Variants in SPAG16 observed in about 807,000 individuals in gnomAD.
SPAG16 encodes the protein sperm-associated antigen 16 protein.
In SPAG16, 86 loss-of-function variants were observed where a neutral mutation model predicts 80.4. The ratio of observed to expected loss-of-function variants is 1.07; its 90% CI spans 0.90 to 1.28. The LOEUF (loss-of-function observed/expected upper bound fraction) is 1.28, where lower values mean the gene tolerates loss of function less well. Among genes scored for constraint, SPAG16 ranks in the 50% most tolerant of loss-of-function variants. The pLI is 0.00. For missense variants in SPAG16, 870 were observed against 765.3 expected (o/e 1.14, Z -1.61); for synonymous variants, 294 against 265.9 (o/e 1.11, Z -1.03).
At chr2:214,180,514 T>C (rs1325013483) in intron 15 of SPAG16, among the ~76,000 whole-genome samples, 6 of 151,692 alleles carry the variant, frequency 4.0e-5, no homozygotes, top group Non-Finnish European at 7.4e-5. Context: ...AAATAGATAA[T>C]AATTTCCATC....
At chr2:214,184,438 C>A (rs183715976) in intron 15 of SPAG16, among the ~76,000 whole-genome samples, 3 of 151,994 alleles carry the variant, frequency 2.0e-5, no homozygotes, top group Admixed American at 6.6e-5. Context: ...TAGCTAGGCT[C>A]ACTCATAAAA....
intron 10 of SPAG16, among the ~76,000 whole-genome samples, chr2:213,853,907 A>G (rs6753539): frequency 0.34 from 52,355 of 151,950 alleles, 9,479 homozygotes; most frequent in South Asian, 0.47. Context: ...GTATCCTGCT[A>G]TCTTCAGCTC....
intron 15 of SPAG16, among the ~76,000 whole-genome samples, chr2:214,153,578 A>C (rs1288383038): frequency 6.6e-6 from 1 of 151,996 alleles, no homozygotes; most frequent in Non-Finnish European, 1.5e-5. Flanking sequence ...TGAGAGGTCA[A>C]CTCATTCCTT....
chr2:213,760,961 A>T (rs1013205666), intron 10 of SPAG16, among the ~76,000 whole-genome samples: 5 of 152,108 alleles, frequency 3.3e-5, no homozygotes, highest in Admixed American at 1.3e-4. Flanking sequence ...TTTAGTCCTT[A>T]TGGCAGGATT....
At chr2:214,341,270 A>T (rs913337185) in intron 15 of SPAG16, among the ~76,000 whole-genome samples, 2 of 152,192 alleles carry the variant, frequency 1.3e-5, no homozygotes, top group Non-Finnish European at 2.9e-5. Context: ...GACACCAAGG[A>T]TCAACTCAAG....
intron 10 of SPAG16, among the ~76,000 whole-genome samples, chr2:213,806,910 A>G (rs1256306409): frequency 6.6e-6 from 1 of 152,314 alleles, no homozygotes; most frequent in South Asian, 2.1e-4. Context: ...TTTACTAAAC[A>G]GTAAATGCCA....
chr2:213,888,445 T>C (rs981338128), intron 11 of SPAG16, among the ~76,000 whole-genome samples: 1 of 151,808 alleles, frequency 6.6e-6, no homozygotes, highest in African/African-American at 2.4e-5. Flanking sequence ...ATAACTCAAC[T>C]GAGGTTATTC....
At chr2:213,390,328 A>G (rs960029032) in intron 9 of SPAG16, among the ~76,000 whole-genome samples, 7 of 152,200 alleles carry the variant, frequency 4.6e-5, no homozygotes, top group Admixed American at 1.3e-4. Flanking sequence ...GCAGAAAGTT[A>G]TATAAATGCA....
chr2:213,383,094 T>A (rs1364538813), intron 9 of SPAG16, among the ~76,000 whole-genome samples: 6 of 152,140 alleles, frequency 3.9e-5, no homozygotes, highest in African/African-American at 1.4e-4. Flanking sequence ...ACCCCATTAT[T>A]TTCTGATTGA....
intron 10 of SPAG16, among the ~76,000 whole-genome samples, chr2:213,594,325 C>G (rs1181696336): frequency 1.3e-5 from 2 of 152,138 alleles, no homozygotes; most frequent in African/African-American, 4.8e-5. Flanking sequence ...CTCAGAGATA[C>G]CCATGACCTA....
intron 10 of SPAG16, among the ~76,000 whole-genome samples, chr2:213,610,359 T>C (rs975975095): frequency 2.6e-5 from 4 of 152,110 alleles, no homozygotes; most frequent in African/African-American, 4.8e-5. Context: ...GTAGGAAAGA[T>C]TGACTGAAAG....
chr2:213,608,315 C>T lies in SPAG16; in HGVS notation c.1070+118225C>T, dbSNP rs534620370. Among the ~76,000 whole-genome samples the T allele has an allele frequency of 1.1e-4, 16 of 152,124 alleles. No homozygotes were observed. The South Asian group carries it at 3.1e-3, about 30-fold the overall frequency. Reference sequence around the variant, plus strand: ...CATTAGGTATATCTCCTAATGCTATCGCTCCCTCCTCCCCCCACCCCACAA... The same window carrying T: ...CATTAGGTATATCTCCTAATGCTATTGCTCCCTCCTCCCCCCACCCCACAA... On this transcript the variant is annotated intron_variant, in intron 10 of 15. Transcript: ENST00000331683.
chr2:214,110,572 T>C (rs1475518218), intron 14 of SPAG16, among the ~76,000 whole-genome samples: 1 of 152,218 alleles, frequency 6.6e-6, no homozygotes, highest in Non-Finnish European at 1.5e-5. Flanking sequence ...GTTTTTGCTA[T>C]TGTGAATAGT....
intron 13 of SPAG16, among the ~76,000 whole-genome samples, chr2:214,021,177 T>C (rs181320463): frequency 6.6e-6 from 1 of 152,294 alleles, no homozygotes; most frequent in Admixed American, 6.5e-5. Flanking sequence ...TGCTAAAAAA[T>C]TGTGAAATTT....
In SPAG16 at chr2:213,906,981, G is replaced by A. The variant is rs775480726; in HGVS notation, c.1215-22979G>A. On this transcript the variant is annotated intron_variant, in intron 11 of 15. Transcript: ENST00000331683. ...ATTTTGTGGGTAAGACTTAAAAAGC[G>A]CAGATGACAATAACAAAAGTAGACA... Among the ~76,000 whole-genome samples, 11 of 152,090 alleles carry A rather than the reference G, an allele frequency of 7.2e-5. 1 individual carries two copies. Among genetic ancestry groups the A allele is most frequent in the South Asian group, 4.1e-4 (2 of 4,834 alleles).
chr2:213,872,092 A>G (rs544626680), intron 11 of SPAG16, among the ~76,000 whole-genome samples: 1 of 152,266 alleles, frequency 6.6e-6, no homozygotes. Flanking sequence ...GGAAATCTGT[A>G]ATCAGCTGAC....
chr2:213,859,332 C>T (rs891664268), intron 10 of SPAG16, among the ~76,000 whole-genome samples: 6 of 150,374 alleles, frequency 4.0e-5, no homozygotes, highest in Non-Finnish European at 7.4e-5. Flanking sequence ...TGCACAAAAA[C>T]TTATGTAGAC....
chr2:213,397,882 C>A (rs1488154239), intron 9 of SPAG16, among the ~76,000 whole-genome samples: 1 of 152,132 alleles, frequency 6.6e-6, no homozygotes, highest in Non-Finnish European at 1.5e-5. Flanking sequence ...ACATCTTCAA[C>A]TGAGATCTCT....
chr2:214,352,761 A>T (rs1339795742), intron 15 of SPAG16, among the ~76,000 whole-genome samples: 2 of 151,752 alleles, frequency 1.3e-5, no homozygotes, highest in Admixed American at 6.6e-5. Context: ...TTGCTCTTTT[A>T]CTGCTGGCTA....
Sources: gnomAD v4.1 joint callset for allele counts (sites outside exome capture counted in the v4.1 genomes callset) on GRCh38, gnomAD v4.1.1 for gene constraint, MANE v1.5 for transcripts, NCBI Gene and HGNC (gene_info 2026-07-23, HGNC 2026-07-21) for gene names.